PPRC1: variants seen among roughly 807,000 people sequenced by gnomAD.
PPRC1 encodes the protein PPARG related coactivator 1.
In PPRC1, 23 loss-of-function variants were observed where a neutral mutation model predicts 132.5. That is an observed-to-expected ratio of 0.17 (90% CI 0.12 to 0.25). PPRC1 has a LOEUF of 0.25. Ranked by LOEUF, PPRC1 falls within the 10% of genes least tolerant of loss-of-function variation. The pLI, the probability that PPRC1 is intolerant of heterozygous loss-of-function variation, is 1.00. For missense variants in PPRC1, 2,006 were observed against 2,089.1 expected (o/e 0.96, Z 0.78); for synonymous variants, 872 against 833.5 (o/e 1.05, Z -0.80).
chr10:102,136,078 T>C (rs970197031), intron 1 of PPRC1, among the ~76,000 whole-genome samples: 1 of 152,164 alleles, frequency 6.6e-6, no homozygotes, highest in African/African-American at 2.4e-5. Flanking sequence ...AGGTAGGTGG[T>C]GGCAGAGCAA....
upstream of PPRC1, among the ~76,000 whole-genome samples, chr10:102,129,122 G>A (rs536349936): frequency 3.3e-5 from 5 of 150,092 alleles, no homozygotes; most frequent in Admixed American, 1.3e-4. Flanking sequence ...TAGTAGAGAC[G>A]GGGTTTCACT....
rs1003721608 is a variant in PPRC1, at chr10:102,133,155, C to T, written c.87C>T (p.Gly29=). The change falls in exon 1 of 14, where the codon GGC becomes GGT. Residue 29 remains glycine (G), a synonymous_variant. Coordinates refer to ENST00000278070, the MANE Select transcript of PPRC1 (RefSeq NM_015062.5). ...PGPDPGGGAR[G]SGWGSRSQAP... ...CGGACCCTGGCGGGGGAGCCCGCGG[C>T]AGTGGTTGGGGAAGTCGAAGCCAAG... 6 of 1,263,058 alleles carry T rather than the reference C, an allele frequency of 4.8e-6. No homozygotes were observed. Among genetic ancestry groups the T allele is most frequent in the Non-Finnish European group, 5.0e-6 (5 of 997,484 alleles). 78.2% of individuals were successfully genotyped at this position (1,263,058 alleles called of 1,614,324 possible).
At chr10:102,129,861 C>T (rs1328756984), upstream of PPRC1, among the ~76,000 whole-genome samples, 1 of 152,138 alleles carries the variant, frequency 6.6e-6, no homozygotes, top group African/African-American at 2.4e-5. Flanking sequence ...GCCTCGGCCT[C>T]CCAAAGTGTT....
chr10:102,139,970 A>C lies in PPRC1; in HGVS notation c.1462A>C (p.Thr488Pro), dbSNP rs774173502. 1 of 1,614,232 alleles carries C rather than the reference A, an allele frequency of 6.2e-7. No individual in the cohort carries two copies. Among genetic ancestry groups the C allele is most frequent in the South Asian group, 1.1e-5 (1 of 91,086 alleles). ...GAGGTCATCTTCTCGCGGGCAGTCT[A>C]CTGTAGGTACAGAAGTGACCTCTCA... is the stretch of plus-strand genomic sequence containing the variant. The part of the protein sequence containing the change: ...RLRSSSRGQS[T>P]VGTEVTSQVD... Residue 488 changes from threonine (T) to proline (P), a missense_variant, in exon 5 of 14, where the codon ACT becomes CCT. Physicochemically the swap from Thr to Pro is conservative, Grantham distance 38. Transcript: ENST00000278070.
In PPRC1 at chr10:102,139,176, C is replaced by T; in HGVS notation, c.668C>T (p.Pro223Leu). ...SFLETSSPKL[P>L]SWRPPRSRPR... ...TTAGAGACCTCTTCCCCCAAGCTTC[C>T]TAGCTGGAGACCCCCAAGATCAAGA... The change falls in exon 5 of 14, where the codon CCT becomes CTT. Residue 223 changes from proline (P) to leucine (L), a missense_variant. Transcript: ENST00000278070. The T allele has an allele frequency of 6.2e-7, 1 of 1,614,014 alleles. No homozygotes were observed. Among genetic ancestry groups the T allele is most frequent in the Non-Finnish European group, 8.5e-7 (1 of 1,179,886 alleles).
upstream of PPRC1, chr10:102,132,878 A>T: frequency 1.3e-6 from 1 of 775,554 alleles, no homozygotes; most frequent in Non-Finnish European, 1.7e-6. Flanking sequence ...CCCCACTTAA[A>T]GGGACTACTA....
In PPRC1 at chr10:102,139,335, T is replaced by G; in HGVS notation, c.827T>G (p.Met276Arg). ...GTGAGCAGTATCCCGGACTTCCCCA[T>G]GCATTTGGCCTGCCCTGAGGAGGAA... ...NCVSSIPDFP[M>R]HLACPEEEDK... Residue 276 changes from methionine (M) to arginine (R), a missense_variant, in exon 5 of 14, where the codon ATG becomes AGG. Around this residue, in one of 2 missense-constraint regions of PPRC1, gnomAD observed 1,914 missense variants for 1,917.2 expected, o/e 1.00. Transcript: ENST00000278070. 1 of 1,614,156 alleles carries G rather than the reference T, an allele frequency of 6.2e-7. No homozygotes were observed. The highest frequency in any genetic ancestry group is 1.1e-5 in the South Asian group (1 of 91,088).
At chr10:102,147,910 T>C (rs1263111422) in intron 9 of PPRC1, among the ~76,000 whole-genome samples, 1 of 152,152 alleles carries the variant, frequency 6.6e-6, no homozygotes, top group Non-Finnish European at 1.5e-5. Context: ...GATATATGTC[T>C]TCAGAACTGG....
upstream of PPRC1, chr10:102,132,875 T>C: frequency 1.3e-6 from 1 of 763,486 alleles, no homozygotes; most frequent in Non-Finnish European, 1.8e-6. Flanking sequence ...GGTCCCCACT[T>C]AAAGGGACTA....
chr10:102,141,965 G>T lies in PPRC1; in HGVS notation c.3457G>T (p.Gly1153Cys), dbSNP rs756724121. The T allele has an allele frequency of 7.4e-6, 12 of 1,613,528 alleles. No homozygotes were observed. The highest frequency in any genetic ancestry group is 6.7e-5 in the African/African-American group (5 of 74,916). ...CTTCCTGCCTACCCCACGTACTCAG[G>T]GTTCTGAAGATGTGGTACAGGCTTT... The part of the protein sequence containing the change: ...LSFLPTPRTQ[G>C]SEDVVQAFIS... The change falls in exon 5 of 14, where the codon GGT (glycine) becomes TGT (cysteine). Residue 1153 changes from glycine (G) to cysteine (C), a missense_variant. Transcript: ENST00000278070.
the PPRC1 span, among the ~76,000 whole-genome samples, chr10:102,126,458 CTTTTTTTT>C: frequency 1.4e-5 from 2 of 140,136 alleles, no homozygotes; most frequent in African/African-American, 2.6e-5. Flanking sequence ...TGAACTATAA[CTTTTTTTT>C]TTTTTTTTTT....
Position 102,140,909 on chromosome 10 carries a change from C to T in PPRC1, c.2401C>T (p.Pro801Ser), listed in dbSNP as rs2068943470. Residue 801 changes from proline (P) to serine (S), a missense_variant, in exon 5 of 14, where the codon CCA becomes TCA. Pro to Ser is a moderately conservative substitution (Grantham distance 74). This residue lies in a region of PPRC1 where 1,914 missense variants were observed against 1,917.2 expected (regional missense o/e 1.00). Coordinates refer to ENST00000278070, the MANE Select transcript of PPRC1 (RefSeq NM_015062.5). Reference protein sequence around the residue: ...DIPCLVIPPAPAKKTALQRSP... With the variant: ...DIPCLVIPPASAKKTALQRSP... ...CCCTTGTCTTGTCATCCCACCAGCC[C>T]CAGCCAAGAAGACAGCTCTGCAGAG... 5 of 1,614,068 alleles carry T rather than the reference C, an allele frequency of 3.1e-6. No homozygotes were observed. The highest frequency in any genetic ancestry group is 4.2e-6 in the Non-Finnish European group (5 of 1,180,016).
At chr10:102,145,283 T>C (rs377661099) in intron 8 of PPRC1, among the ~76,000 whole-genome samples, 193 bp downstream of exon 8, 2 of 152,236 alleles carry the variant, frequency 1.3e-5, no homozygotes, top group East Asian at 1.9e-4. Flanking sequence ...TTACAGCCTA[T>C]GGGCTAGGCG....
chr10:102,142,501 C>T (rs1353594876), intron 5 of PPRC1, among the ~76,000 whole-genome samples: 1 of 147,906 alleles, frequency 6.8e-6, no homozygotes, highest in African/African-American at 2.5e-5. Flanking sequence ...TCACCGCAAC[C>T]TCCGCCTCCC....
rs1263949901 is a variant in PPRC1, at chr10:102,148,307, G to A, written c.4401-65G>A. On this transcript the variant is annotated intron_variant, in intron 9 of 13. Coordinates refer to ENST00000278070, the MANE Select transcript of PPRC1 (RefSeq NM_015062.5). This position sits in a 1 kb window ranked among gnomAD's most constrained non-coding sequence, Gnocchi z 4.2. ...TAAAAGAAAGGCAGGACTGGGGCCT[G>A]GGTGAGATAAGCAGAGTATACCTGA... 17 of 1,555,996 alleles carry A rather than the reference G, an allele frequency of 1.1e-5. No homozygotes were observed. Among genetic ancestry groups the A allele is most frequent in the Non-Finnish European group, 1.4e-5 (16 of 1,144,116 alleles).
At chr10:102,125,849 G>A in the PPRC1 span, among the ~76,000 whole-genome samples, 1 of 146,404 alleles carries the variant, frequency 6.8e-6, no homozygotes, top group African/African-American at 2.7e-5. Flanking sequence ...GCACCACTCT[G>A]TCTTTCTTTC....
chr10:102,148,936 A>G lies in PPRC1; in HGVS notation c.4737A>G (p.Gln1579=), dbSNP rs768888833. 1 of 1,613,938 alleles carries G rather than the reference A, an allele frequency of 6.2e-7. No homozygotes were observed. The highest frequency in any genetic ancestry group is 1.1e-5 in the South Asian group (1 of 91,044). ...IEECTIHFRV[Q]GDNYGFVTYR... Reference sequence around the variant, plus strand: ...AGTGCACCATCCACTTCCGTGTCCAAGGGTAAGCTTGGGCCCCAGGCTCAG... The same window carrying G: ...AGTGCACCATCCACTTCCGTGTCCAGGGGTAAGCTTGGGCCCCAGGCTCAG... The change falls in exon 12 of 14, where the codon CAA becomes CAG. Residue 1579 remains glutamine, a splice_region_variant and synonymous_variant. Coordinates refer to ENST00000278070, the MANE Select transcript of PPRC1 (RefSeq NM_015062.5). This position sits in a 1 kb window ranked among gnomAD's most constrained non-coding sequence, Gnocchi z 4.2.
In PPRC1 at chr10:102,143,988, C is replaced by T. The variant is rs1461941080; in HGVS notation, c.3551-262C>T. ...GAAGCTAGTTAGGCAGATCATAGAT[C>T]ACCTTGAACGCTAGGCTTATACATT... On this transcript the variant is annotated intron_variant, in intron 6 of 13. Coordinates refer to ENST00000278070, the MANE Select transcript of PPRC1 (RefSeq NM_015062.5). 2.6e-5 allele frequency among the ~76,000 whole-genome samples: 4 copies of T among 152,320 alleles called. No individual in the cohort carries two copies. The East Asian group carries it at 7.7e-4, about 29-fold the overall frequency.
At position 102,141,066 on chromosome 10, in the gene PPRC1, C is replaced by T. The variant is rs779349363; in HGVS notation, c.2558C>T (p.Pro853Leu). Residue 853 changes from proline to leucine, a missense_variant, in exon 5 of 14, where the codon CCA becomes CTA. Around this residue, in one of 2 missense-constraint regions of PPRC1, gnomAD observed 1,914 missense variants for 1,917.2 expected, o/e 1.00. Transcript: ENST00000278070. Reference protein sequence around the residue: ...PTEQVPSQEMPLLARPSPPVQ... With the variant: ...PTEQVPSQEMLLLARPSPPVQ... ...GAGCAGGTGCCATCCCAGGAGATGCCACTGTTGGCGAGACCTTCCCCTCCT... is the reference window on the plus strand; with the variant it reads ...GAGCAGGTGCCATCCCAGGAGATGCTACTGTTGGCGAGACCTTCCCCTCCT... 3.1e-6 allele frequency: 5 copies of T among 1,614,154 alleles called. No individual in the cohort carries two copies. In the South Asian group the frequency reaches 5.5e-5, roughly 18 times the overall value.
Sources: gnomAD v4.1 joint callset for allele counts (sites outside exome capture counted in the v4.1 genomes callset) on GRCh38, gnomAD v4.1.1 for gene constraint, gnomAD v4.1.1 regional missense constraint, Gnocchi (gnomAD v3.1) non-coding constraint, MANE v1.5 for transcripts, NCBI Gene and HGNC (gene_info 2026-07-23, HGNC 2026-07-21) for gene names.